TCAIM: variants seen among roughly 807,000 people sequenced by gnomAD.
The protein encoded by TCAIM is T-cell activation inhibitor, mitochondrial.
Under a neutral mutation model 58.6 loss-of-function variants are expected in TCAIM, and 36 were observed. The observed-to-expected ratio is 0.61, with a 90% confidence interval of 0.47 to 0.81. The LOEUF (loss-of-function observed/expected upper bound fraction) is 0.81, where lower values mean the gene tolerates loss of function less well. Among genes scored for constraint, TCAIM ranks in the 30% least tolerant of loss-of-function variants. The pLI is 0.00. For missense variants in TCAIM, 466 were observed against 579.6 expected (o/e 0.80, Z 2.01); for synonymous variants, 172 against 193.6 (o/e 0.89, Z 0.93).
chr3:44,401,382 A>C, intron 10 of TCAIM, 48 bp downstream of exon 10: 1 of 1,606,922 alleles, frequency 6.2e-7, no homozygotes, highest in Non-Finnish European at 8.5e-7. Flanking sequence ...AGTCTAACTG[A>C]AAACCTCAGA....
At chr3:44,375,764 TGTGGAACACA>T (rs533566002) in intron 5 of TCAIM, among the ~76,000 whole-genome samples, 165 of 152,358 alleles carry the variant, frequency 1.1e-3, no homozygotes, top group East Asian at 4.8e-3. Context: ...GTGCAGCTGC[TGTGGAACACA>T]GTTTGGCAAT....
At chr3:44,373,738 A>G (rs1356610276) in intron 5 of TCAIM, among the ~76,000 whole-genome samples, 1 of 152,022 alleles carries the variant, frequency 6.6e-6, no homozygotes, top group African/African-American at 2.4e-5. Context: ...GTTCCAGTCT[A>G]AAAAAAATTA....
At chr3:44,347,497 G>A (rs1205301358) in intron 1 of TCAIM, among the ~76,000 whole-genome samples, 1 of 152,118 alleles carries the variant, frequency 6.6e-6, no homozygotes, top group East Asian at 1.9e-4. Context: ...GGGAATAGTG[G>A]AAAAAGCATG....
intron 5 of TCAIM, among the ~76,000 whole-genome samples, chr3:44,383,484 C>T (rs1344641525): frequency 6.6e-6 from 1 of 152,012 alleles, no homozygotes; most frequent in Admixed American, 6.6e-5. Context: ...ATGTGAAGTA[C>T]AAGGAGTAGT....
chr3:44,388,044 A>G (rs1333036696), intron 5 of TCAIM, among the ~76,000 whole-genome samples: 2 of 151,740 alleles, frequency 1.3e-5, no homozygotes, highest in Non-Finnish European at 2.9e-5. Flanking sequence ...TTAAATATTG[A>G]AATTATATAT....
intron 4 of TCAIM, 57 bp from the exon 5 acceptor site, chr3:44,367,399 T>A: frequency 1.3e-6 from 2 of 1,517,092 alleles, no homozygotes; most frequent in East Asian, 4.6e-5. Context: ...TTTATATATG[T>A]TGAAATAAAG....
At chr3:44,348,103 G>A (rs918739358) in intron 1 of TCAIM, among the ~76,000 whole-genome samples, 3 of 152,196 alleles carry the variant, frequency 2.0e-5, no homozygotes, top group African/African-American at 7.2e-5. Context: ...TTAGAAGCCT[G>A]GCCGTCAATA....
At chr3:44,394,921 A>AAAT (rs1559581872) in intron 6 of TCAIM, among the ~76,000 whole-genome samples, 2 of 48,488 alleles carry the variant, frequency 4.1e-5, no homozygotes, top group Non-Finnish European at 6.6e-5. Flanking sequence ...AAAAAAAAAA[A>AAAT]ATATATATAT....
intron 1 of TCAIM, among the ~76,000 whole-genome samples, chr3:44,343,044 C>T (rs1044861356): frequency 2.0e-5 from 3 of 151,510 alleles, no homozygotes; most frequent in Admixed American, 1.3e-4. Context: ...AGCTGAGGCA[C>T]GAGAATCGCT....
At chr3:44,394,958 ATG>A (rs1701911050) in intron 6 of TCAIM, among the ~76,000 whole-genome samples, 2 of 107,650 alleles carry the variant, frequency 1.9e-5, no homozygotes, top group African/African-American at 7.1e-5. Context: ...ATATATATAT[ATG>A]TATATATCCC....
intron 1 of TCAIM, among the ~76,000 whole-genome samples, chr3:44,351,208 C>G (rs931364042): frequency 6.6e-6 from 1 of 152,074 alleles, no homozygotes; most frequent in Non-Finnish European, 1.5e-5. Flanking sequence ...AGGCTGGTCT[C>G]GAACTCCTGA....
intron 5 of TCAIM, among the ~76,000 whole-genome samples, chr3:44,379,187 CAA>C (rs757481300): frequency 1.6e-5 from 2 of 122,256 alleles, no homozygotes; most frequent in Non-Finnish European, 1.8e-5. Context: ...GGCCCTGTCT[CAA>C]AAAAAAAAAA....
intron 5 of TCAIM, among the ~76,000 whole-genome samples, chr3:44,377,267 A>G (rs759777522): frequency 2.6e-5 from 4 of 152,198 alleles, no homozygotes; most frequent in Non-Finnish European, 2.9e-5. Flanking sequence ...TAAAAAGATT[A>G]CAAGAGAAAA....
chr3:44,392,695 A>G (rs540712372), intron 5 of TCAIM, among the ~76,000 whole-genome samples, 160 bp from the exon 6 acceptor site: 1 of 152,200 alleles, frequency 6.6e-6, no homozygotes, highest in Non-Finnish European at 1.5e-5. Context: ...TATGGTATAT[A>G]TGTACCACAT....
chr3:44,341,009 A>T (rs577006822), intron 1 of TCAIM: 1 of 152,212 alleles, frequency 6.6e-6, no homozygotes, highest in African/African-American at 2.4e-5. Flanking sequence ...ACGAGAAAAT[A>T]TATTTTTAAT....
In TCAIM at chr3:44,397,576, A is replaced by G. The variant is rs78261990; in HGVS notation, c.885+742A>G. 4.5e-4 allele frequency among the ~76,000 whole-genome samples: 69 copies of G among 152,318 alleles called. No homozygotes were observed. The East Asian group carries it at 0.013, about 29-fold the overall frequency. On this transcript the variant is annotated intron_variant, in intron 8 of 10. Transcript: ENST00000342649. ...GTCGTATCACTTTGTGACTATTACA[A>G]ATAAAGCTGCTGTGAACATTTGTGC...
chr3:44,370,716 G>C (rs143930211), intron 5 of TCAIM, among the ~76,000 whole-genome samples: 1 of 145,992 alleles, frequency 6.8e-6, no homozygotes, highest in East Asian at 2.1e-4. Context: ...GCCTTAGATT[G>C]TATTTCTTTT....
chr3:44,388,630 T>A (rs888207790), intron 5 of TCAIM, among the ~76,000 whole-genome samples: 1 of 152,248 alleles, frequency 6.6e-6, no homozygotes, highest in African/African-American at 2.4e-5. Flanking sequence ...AATATCCTTT[T>A]ACTCATTAGA....
intron 4 of TCAIM, among the ~76,000 whole-genome samples, chr3:44,361,845 G>A (rs570089539): frequency 3.3e-5 from 5 of 152,146 alleles, no homozygotes; most frequent in Admixed American, 6.5e-5. Flanking sequence ...TTAGTCCTCT[G>A]AATACTCTGA....
Sources: allele counts gnomAD v4.1 joint callset (sites outside exome capture counted in the v4.1 genomes callset), GRCh38; gene constraint gnomAD v4.1.1; transcripts MANE v1.5; gene names NCBI Gene and HGNC (gene_info 2026-07-23, HGNC 2026-07-21).